The following HTR1F variants were observed in gnomAD, a reference collection of about 807,000 sequenced individuals.
HTR1F encodes 5-hydroxytryptamine receptor 1F.
A neutral mutation model predicts 24.0 loss-of-function variants in HTR1F; 17 were observed. That is an observed-to-expected ratio of 0.71 (90% CI 0.48 to 1.06). The LOEUF (loss-of-function observed/expected upper bound fraction) is 1.06, where lower values mean the gene tolerates loss of function less well. Among genes scored for constraint, HTR1F ranks in the 50% least tolerant of loss-of-function variants. The pLI, the probability that HTR1F is intolerant of heterozygous loss-of-function variation, is 0.00. For missense variants in HTR1F, 391 were observed against 427.8 expected, an observed-to-expected ratio of 0.91 and a Z score of 0.76; for synonymous variants, 186 against 156.8, an observed-to-expected ratio of 1.19 and a Z score of -1.39.
chr3:87,875,392 G>A (rs1705647657), intron 2 of HTR1F, among the ~76,000 whole-genome samples: 1 of 151,796 alleles, frequency 6.6e-6, no homozygotes, highest in South Asian at 2.1e-4. Flanking sequence ...GGAGGTTGCA[G>A]TGAGCCGAGA....
chr3:87,895,712 T>A (rs1318595858), intron 2 of HTR1F, among the ~76,000 whole-genome samples: 1 of 152,156 alleles, frequency 6.6e-6, no homozygotes, highest in African/African-American at 2.4e-5. Context: ...ATTAAATGAG[T>A]GAATATGTCA....
intron 2 of HTR1F, among the ~76,000 whole-genome samples, chr3:87,882,373 C>A (rs879015203): frequency 2.0e-5 from 3 of 152,094 alleles, no homozygotes; most frequent in African/African-American, 4.8e-5. Flanking sequence ...ACCCAAAGGA[C>A]TATAAATCAT....
At chr3:87,798,571 CT>C in intron 1 of HTR1F, among the ~76,000 whole-genome samples, 1 of 151,894 alleles carries the variant, frequency 6.6e-6, no homozygotes, top group South Asian at 2.1e-4. Flanking sequence ...CCCATTTGAT[CT>C]TTTCTCAGCT....
intron 2 of HTR1F, among the ~76,000 whole-genome samples, chr3:87,983,976 T>C (rs776149783): frequency 1.3e-5 from 2 of 152,198 alleles, no homozygotes; most frequent in Non-Finnish European, 2.9e-5. Flanking sequence ...TTCTTAAACA[T>C]TTCTAAGACT....
chr3:87,821,554 T>A (rs555039433), intron 1 of HTR1F, among the ~76,000 whole-genome samples: 1 of 152,214 alleles, frequency 6.6e-6, no homozygotes, highest in South Asian at 2.1e-4. Context: ...ATCCCTCAAA[T>A]CCCAAAATAT....
intron 2 of HTR1F, among the ~76,000 whole-genome samples, chr3:87,950,571 A>AG (rs1470229615): frequency 6.6e-6 from 1 of 151,354 alleles, no homozygotes; most frequent in African/African-American, 2.4e-5. Flanking sequence ...AAAAAAAAAA[A>AG]GGGAGGAGTA....
chr3:87,839,942 C>A lies in HTR1F; in HGVS notation c.-43+17818C>A, dbSNP rs116327109. Among the ~76,000 whole-genome samples, 1,031 of 152,232 alleles carry A rather than the reference C, an allele frequency of 6.8e-3. 6 individuals are homozygous for A. The highest frequency in any genetic ancestry group is 0.011 in the Non-Finnish European group (735 of 68,006). On this transcript the variant is annotated intron_variant, in intron 2 of 2. Coordinates refer to ENST00000319595, the MANE Select transcript of HTR1F (RefSeq NM_001322209.2). ...TTGCTGCAAAGGACATGATTTCATT[C>A]TTTTCCATGGCTGCATGGTATTCCA...
At chr3:87,923,753 A>G (rs1704062454) in intron 2 of HTR1F, among the ~76,000 whole-genome samples, 1 of 151,802 alleles carries the variant, frequency 6.6e-6, no homozygotes. Context: ...TGTTGAGAAG[A>G]TTTATTTTTC....
Position 87,993,559 on chromosome 3 carries a change from G to A in HTR1F, c.*1709G>A, listed in dbSNP as rs1705883647. The A allele has an allele frequency of 6.0e-6, 1 of 166,904 alleles. No homozygotes were observed. The highest frequency in any genetic ancestry group is 2.1e-4 in the South Asian group (1 of 4,814). 10.3% of individuals were successfully genotyped at this position (166,904 alleles called of 1,614,324 possible). A position where few individuals can be genotyped will look rare whatever the true frequency, so the allele number is the denominator to read the frequency against. On this transcript the variant is annotated 3_prime_UTR_variant, in exon 3 of 3. Transcript: ENST00000319595. ...ACACATGTCAAATACACAGCACTGG[G>A]GCAAGAAAAATGGAAGAGCACACTC... is the stretch of plus-strand genomic sequence containing the variant.
intron 2 of HTR1F, among the ~76,000 whole-genome samples, chr3:87,911,319 CAG>C (rs1426209843): frequency 6.6e-6 from 1 of 152,070 alleles, no homozygotes; most frequent in Non-Finnish European, 1.5e-5. Context: ...AAACAACCAT[CAG>C]AGACTATTAT....
chr3:87,900,567 G>GA (rs537192808), intron 2 of HTR1F, among the ~76,000 whole-genome samples: 167 of 152,244 alleles, frequency 1.1e-3, no homozygotes, highest in African/African-American at 3.8e-3. Flanking sequence ...AGAAGCAGGG[G>GA]AAAAAATGAG....
chr3:87,841,223 G>A (rs1187002019), intron 2 of HTR1F, among the ~76,000 whole-genome samples: 1 of 151,366 alleles, frequency 6.6e-6, no homozygotes, highest in Non-Finnish European at 1.5e-5. Context: ...TATTTGTCAA[G>A]TATTAACAAA....
intron 2 of HTR1F, among the ~76,000 whole-genome samples, chr3:87,918,559 T>C (rs1195339372): frequency 6.6e-6 from 1 of 152,018 alleles, no homozygotes. Context: ...CACAAATCAA[T>C]AGCTCTTCTA....
At chr3:87,834,841 C>A (rs1213066052) in intron 2 of HTR1F, among the ~76,000 whole-genome samples, 1 of 152,110 alleles carries the variant, frequency 6.6e-6, no homozygotes, top group African/African-American at 2.4e-5. Context: ...TAGAAAACAG[C>A]CATGCTCATT....
intron 1 of HTR1F, among the ~76,000 whole-genome samples, chr3:87,807,982 G>A (rs1261286485): frequency 1.3e-5 from 2 of 151,714 alleles, no homozygotes; most frequent in East Asian, 1.9e-4. Flanking sequence ...ATTTGATAGT[G>A]GTATATTATT....
chr3:87,897,943 G>A (rs1240054886), intron 2 of HTR1F, among the ~76,000 whole-genome samples: 1 of 151,964 alleles, frequency 6.6e-6, no homozygotes, highest in Non-Finnish European at 1.5e-5. Context: ...TTATATACAT[G>A]TCTCCCAACA....
chr3:87,843,327 T>A (rs1704850177), intron 2 of HTR1F, among the ~76,000 whole-genome samples: 1 of 151,848 alleles, frequency 6.6e-6, no homozygotes, highest in Non-Finnish European at 1.5e-5. Flanking sequence ...TTATTAAATA[T>A]TTTATATTTT....
chr3:87,876,299 C>T (rs1705672054), intron 2 of HTR1F, among the ~76,000 whole-genome samples: 1 of 152,082 alleles, frequency 6.6e-6, no homozygotes, highest in Non-Finnish European at 1.5e-5. Flanking sequence ...AGAGCTGTTC[C>T]CACACCTATG....
chr3:87,860,237 A>G (rs1705288199), intron 2 of HTR1F, among the ~76,000 whole-genome samples: 1 of 152,226 alleles, frequency 6.6e-6, no homozygotes, highest in Admixed American at 6.5e-5. Flanking sequence ...GTCACTATAA[A>G]ATCAACTCTC....
Sources: allele counts gnomAD v4.1 joint callset (sites outside exome capture counted in the v4.1 genomes callset), GRCh38; gene constraint gnomAD v4.1.1; transcripts MANE v1.5; gene names NCBI Gene and HGNC (gene_info 2026-07-23, HGNC 2026-07-21).